The following BAZ1B variants were observed in gnomAD, a reference collection of about 807,000 sequenced individuals.
The protein encoded by BAZ1B is tyrosine-protein kinase BAZ1B.
Under a neutral mutation model 153.8 loss-of-function variants are expected in BAZ1B, and 22 were observed. The observed-to-expected ratio is 0.14, with a 90% CI of 0.10 to 0.20. BAZ1B has a LOEUF of 0.20. Ranked by LOEUF, BAZ1B falls within the 10% of genes least tolerant of loss-of-function variation. The pLI, the probability that BAZ1B is intolerant of heterozygous loss-of-function variation, is 1.00. For missense variants in BAZ1B, 1,325 were observed against 1,799.3 expected (o/e 0.74, Z 4.77); for synonymous variants, 676 against 633.4 (o/e 1.07, Z -1.01).
At chr7:73,499,482 G>A (rs560390638) in intron 3 of BAZ1B, among the ~76,000 whole-genome samples, 4 of 152,232 alleles carry the variant, frequency 2.6e-5, no homozygotes, top group South Asian at 2.1e-4. Context: ...CACCATGCCC[G>A]GCCAGACCCA....
chr7:73,451,084 T>G, intron 13 of BAZ1B, 90 bp from the exon 14 acceptor site: 1 of 1,446,624 alleles, frequency 6.9e-7, no homozygotes, highest in Non-Finnish European at 9.4e-7. Flanking sequence ...GAGAGAATTC[T>G]GAGGACACTT....
chr7:73,519,309 A>C (rs2115630968), intron 1 of BAZ1B, among the ~76,000 whole-genome samples: 1 of 152,344 alleles, frequency 6.6e-6, no homozygotes, highest in East Asian at 1.9e-4. Context: ...AACTGGGAAT[A>C]CTACTTCAAA....
chr7:73,462,640 C>T (rs144791324), intron 12 of BAZ1B: 19 of 395,554 alleles, frequency 4.8e-5, no homozygotes, highest in African/African-American at 2.5e-4. Context: ...TGATGCTATA[C>T]GACTGGAGCC....
chr7:73,453,814 A>G (rs1788097018), intron 13 of BAZ1B, among the ~76,000 whole-genome samples: 1 of 151,400 alleles, frequency 6.6e-6, no homozygotes, highest in African/African-American at 2.4e-5. Flanking sequence ...CCTTGCCTCT[A>G]CAGAAAAATA....
chr7:73,455,766 G>C (rs536612390), intron 13 of BAZ1B, among the ~76,000 whole-genome samples: 1 of 152,318 alleles, frequency 6.6e-6, no homozygotes, highest in African/African-American at 2.4e-5. Flanking sequence ...ATGGACAGTA[G>C]AGACCCGTTT....
At chr7:73,510,542 T>C (rs564088643) in intron 2 of BAZ1B, among the ~76,000 whole-genome samples, 194 bp downstream of exon 2, 15 of 152,188 alleles carry the variant, frequency 9.9e-5, no homozygotes, top group Non-Finnish European at 1.8e-4. Flanking sequence ...CACCTATAAC[T>C]AAATAAATAT....
chr7:73,511,224 C>T (rs1191259188), intron 1 of BAZ1B, among the ~76,000 whole-genome samples: 10 of 151,622 alleles, frequency 6.6e-5, no homozygotes, highest in African/African-American at 2.2e-4. Flanking sequence ...GCCAAGATCA[C>T]GCCACTGCAC....
chr7:73,468,492 CTTAT>C (rs1273050290), intron 9 of BAZ1B, among the ~76,000 whole-genome samples: 1 of 152,050 alleles, frequency 6.6e-6, no homozygotes, highest in African/African-American at 2.4e-5. Context: ...ACCTAACCAT[CTTAT>C]TTTTTTAATT....
intron 3 of BAZ1B, among the ~76,000 whole-genome samples, chr7:73,506,322 C>CAATACAAATT (rs1790338567): frequency 1.3e-5 from 2 of 151,416 alleles, no homozygotes; most frequent in African/African-American, 4.9e-5. Flanking sequence ...CACAGTGAAA[C>CAATACAAATT]CCCGTCTCTA....
intron 13 of BAZ1B, among the ~76,000 whole-genome samples, chr7:73,458,975 G>C (rs1256095155): frequency 6.6e-6 from 1 of 152,148 alleles, no homozygotes; most frequent in Non-Finnish European, 1.5e-5. Flanking sequence ...TAGACCAGGA[G>C]TGGTGGCTCA....
At chr7:73,449,835 G>C in intron 14 of BAZ1B, 146 bp from the exon 15 acceptor site, 1 of 825,070 alleles carries the variant, frequency 1.2e-6, no homozygotes, top group South Asian at 2.7e-5. Flanking sequence ...TGTAAATGCA[G>C]GCATTTTCTA....
In BAZ1B at chr7:73,455,770, C is replaced by A. The variant is rs192791943; in HGVS notation, c.3432+3766G>T. On this transcript the variant is annotated intron_variant, in intron 13 of 19. Coordinates refer to ENST00000339594, the MANE Select transcript of BAZ1B (RefSeq NM_032408.4). ...TGCACTCCAGCATGGACAGTAGAGA[C>A]CCGTTTCTAAAGAAACGCAATAAAA... Among the ~76,000 whole-genome samples the A allele has an allele frequency of 5.4e-3, 817 of 152,224 alleles. 4 individuals are homozygous for A. Among genetic ancestry groups the A allele is most frequent in the African/African-American group, 0.018 (740 of 41,524 alleles).
chr7:73,512,649 C>T (rs979968957), intron 1 of BAZ1B, among the ~76,000 whole-genome samples: 1 of 152,134 alleles, frequency 6.6e-6, no homozygotes, highest in African/African-American at 2.4e-5. Flanking sequence ...CAAATTCAAA[C>T]GGCAAGTAAC....
chr7:73,454,370 C>T (rs1227271929), intron 13 of BAZ1B, among the ~76,000 whole-genome samples: 2 of 152,132 alleles, frequency 1.3e-5, no homozygotes, highest in South Asian at 2.1e-4. Flanking sequence ...GATAATGACA[C>T]ACCACATAGT....
chr7:73,484,122 C>T (rs1286860918), intron 6 of BAZ1B, among the ~76,000 whole-genome samples: 1 of 152,064 alleles, frequency 6.6e-6, no homozygotes, highest in Non-Finnish European at 1.5e-5. Context: ...AAAAATTAGC[C>T]AGGCATGGTG....
At chr7:73,486,004 A>G (rs1194477809) in intron 6 of BAZ1B, among the ~76,000 whole-genome samples, 1 of 152,202 alleles carries the variant, frequency 6.6e-6, no homozygotes, top group East Asian at 1.9e-4. Flanking sequence ...TCATTCCTCC[A>G]AGTCATTGGG....
At chr7:73,476,066 CTATT>C (rs1174544058) in intron 7 of BAZ1B, among the ~76,000 whole-genome samples, 5 of 152,126 alleles carry the variant, frequency 3.3e-5, no homozygotes, top group South Asian at 2.1e-4. Flanking sequence ...TCACAACAGA[CTATT>C]TATTATACAA....
intron 7 of BAZ1B, among the ~76,000 whole-genome samples, chr7:73,472,003 A>C (rs2116319835): frequency 6.6e-6 from 1 of 152,366 alleles, no homozygotes; most frequent in East Asian, 1.9e-4. Context: ...ATTCTGTCTC[A>C]GAGGTTACAG....
chr7:73,492,082 TCCCAGGTTCAAGCGAGTCTCCTGC>T, intron 5 of BAZ1B, among the ~76,000 whole-genome samples: 1 of 138,644 alleles, frequency 7.2e-6, no homozygotes, highest in Middle Eastern at 3.9e-3. Context: ...AACCTCCGCC[TCCCAGGTTCAAGCGAGTCTCCTGC>T]CTCAGCCTCC....
Sources: gnomAD v4.1 joint callset for allele counts (sites outside exome capture counted in the v4.1 genomes callset) on GRCh38, gnomAD v4.1.1 for gene constraint, MANE v1.5 for transcripts, NCBI Gene and HGNC (gene_info 2026-07-23, HGNC 2026-07-21) for gene names.